The following GULP1 variants were observed in gnomAD, a reference collection of about 807,000 sequenced individuals.
The protein encoded by GULP1 is PTB domain-containing engulfment adapter protein 1.
Under a neutral mutation model 40.9 loss-of-function variants are expected in GULP1, and 19 were observed. The observed-to-expected ratio is 0.46, with a 90% CI of 0.32 to 0.68. The LOEUF (loss-of-function observed/expected upper bound fraction) is 0.68. GULP1 is among the 30% of genes least tolerant of loss of function. The probability of loss-of-function intolerance (pLI) is 0.03; values close to 1 mark genes in which losing one functional copy is unlikely to be tolerated. For synonymous variants in GULP1, 119 were observed against 117.6 expected (o/e 1.01, Z -0.08); for missense variants, 312 against 362.2 (o/e 0.86, Z 1.12).
At chr2:188,418,899 G>A (rs1006122138) in intron 2 of GULP1, among the ~76,000 whole-genome samples, 3 of 152,080 alleles carry the variant, frequency 2.0e-5, no homozygotes, top group Non-Finnish European at 4.4e-5. Context: ...TGCAGGGCCT[G>A]GCAACCATAG....
chr2:188,463,465 A>C (rs1035782068), intron 2 of GULP1, among the ~76,000 whole-genome samples: 4 of 151,494 alleles, frequency 2.6e-5, no homozygotes, highest in Non-Finnish European at 5.9e-5. Flanking sequence ...GACCTTTGGG[A>C]GTTTGATTAA....
intron 1 of GULP1, among the ~76,000 whole-genome samples, chr2:188,368,587 A>G (rs2047118045): frequency 1.3e-5 from 2 of 152,014 alleles, no homozygotes; most frequent in South Asian, 4.1e-4. Flanking sequence ...TCTAAAATAA[A>G]TAAATAAATA....
chr2:188,438,681 G>A (rs2057654646), intron 2 of GULP1, among the ~76,000 whole-genome samples: 2 of 151,182 alleles, frequency 1.3e-5, no homozygotes, highest in Non-Finnish European at 2.9e-5. Flanking sequence ...CAAAAAAAAT[G>A]TAAAGAAGGC....
chr2:188,587,297 A>AGAAACTATCTCATT (rs769331197), intron 10 of GULP1, among the ~76,000 whole-genome samples: 2 of 152,104 alleles, frequency 1.3e-5, no homozygotes, highest in Non-Finnish European at 2.9e-5. Context: ...GCATTTTTAA[A>AGAAACTATCTCATT]GAAACTATCT....
chr2:188,567,249 A>G lies in GULP1; in HGVS notation c.400-1990A>G, dbSNP rs533860992. Among the ~76,000 whole-genome samples the G allele has an allele frequency of 1.4e-4, 22 of 152,346 alleles. 1 individual carries two copies. In the South Asian group the frequency reaches 4.6e-3, roughly 32 times the overall value. Reference sequence around the variant, plus strand: ...GATTCCTCAAGGATCTAGAACTAGAACTACCATTTGACCCAGAGATCTCAT... The same window carrying G: ...GATTCCTCAAGGATCTAGAACTAGAGCTACCATTTGACCCAGAGATCTCAT... On this transcript the variant is annotated intron_variant, in intron 7 of 11. Coordinates refer to ENST00000409830, the MANE Select transcript of GULP1 (RefSeq NM_016315.4).
At chr2:188,572,426 CA>C (rs1414916413) in intron 9 of GULP1, among the ~76,000 whole-genome samples, 2 of 152,122 alleles carry the variant, frequency 1.3e-5, no homozygotes, top group African/African-American at 4.8e-5. Flanking sequence ...TAAAATGCTT[CA>C]AAAACTACAA....
At chr2:188,561,851 G>C (rs554228428) in intron 7 of GULP1, among the ~76,000 whole-genome samples, 51 of 152,256 alleles carry the variant, frequency 3.3e-4, no homozygotes, top group African/African-American at 1.2e-3. Flanking sequence ...TCCTTGCCTA[G>C]GTTGTACCTC....
At chr2:188,360,708 A>T (rs1000921995) in intron 1 of GULP1, among the ~76,000 whole-genome samples, 2 of 152,118 alleles carry the variant, frequency 1.3e-5, no homozygotes, top group African/African-American at 2.4e-5. Context: ...GATTAAATGG[A>T]AACCATTTGG....
intron 2 of GULP1, among the ~76,000 whole-genome samples, chr2:188,406,729 G>A (rs4564741): frequency 0.49 from 73,991 of 151,688 alleles, 18,503 homozygotes; most frequent in East Asian, 0.69. Flanking sequence ...TTATGGGACA[G>A]CATCAGAAGA....
At chr2:188,558,278 C>T (rs1695332898) in intron 7 of GULP1, among the ~76,000 whole-genome samples, 1 of 152,120 alleles carries the variant, frequency 6.6e-6, no homozygotes, top group African/African-American at 2.4e-5. Context: ...GGGCAGTTTC[C>T]CCCATACTAT....
At chr2:188,309,632 G>A (rs1220123709) in intron 1 of GULP1, among the ~76,000 whole-genome samples, 2 of 152,164 alleles carry the variant, frequency 1.3e-5, no homozygotes, top group African/African-American at 2.4e-5. Context: ...CAGGGCTATT[G>A]TTGAAGAGTA....
At chr2:188,544,256 C>T (rs1691306105) in intron 7 of GULP1, among the ~76,000 whole-genome samples, 1 of 152,014 alleles carries the variant, frequency 6.6e-6, no homozygotes, top group Admixed American at 6.6e-5. Context: ...TAGTTACCAA[C>T]ACATAGATGT....
At chr2:188,434,941 GTTCA>G (rs1559237248) in intron 2 of GULP1, among the ~76,000 whole-genome samples, 1 of 151,590 alleles carries the variant, frequency 6.6e-6, no homozygotes, top group Non-Finnish European at 1.5e-5. Context: ...ACAATGTTTT[GTTCA>G]TTTTTAATTT....
intron 2 of GULP1, chr2:188,384,173 A>C (rs956300196): frequency 2.0e-5 from 3 of 152,182 alleles, no homozygotes; most frequent in Non-Finnish European, 4.4e-5. Context: ...TTTTCATGCA[A>C]CTGATAAAGA....
At chr2:188,547,916 T>C (rs564399792) in intron 7 of GULP1, among the ~76,000 whole-genome samples, 1 of 152,104 alleles carries the variant, frequency 6.6e-6, no homozygotes, top group East Asian at 1.9e-4. Flanking sequence ...AAAATAACTT[T>C]AAAAGAGAAT....
At chr2:188,487,087 G>T (rs1464319691) in intron 4 of GULP1, among the ~76,000 whole-genome samples, 1 of 151,900 alleles carries the variant, frequency 6.6e-6, no homozygotes, top group South Asian at 2.1e-4. Context: ...AAAAAATTCT[G>T]TTCCCTTCAA....
intron 4 of GULP1, among the ~76,000 whole-genome samples, chr2:188,502,140 T>C (rs2063493027): frequency 6.6e-6 from 1 of 151,710 alleles, no homozygotes; most frequent in Admixed American, 6.6e-5. Flanking sequence ...TAAGAGGCAA[T>C]TGAGGAGGAA....
intron 2 of GULP1, among the ~76,000 whole-genome samples, chr2:188,416,763 T>C (rs535811407): frequency 3.3e-5 from 5 of 152,286 alleles, no homozygotes; most frequent in Admixed American, 2.0e-4. Flanking sequence ...GATAGTGAGC[T>C]CTTGAACATA....
intron 2 of GULP1, among the ~76,000 whole-genome samples, chr2:188,406,904 A>C (rs1218309876): frequency 6.6e-6 from 1 of 152,180 alleles, no homozygotes; most frequent in Non-Finnish European, 1.5e-5. Context: ...AGGTACAGAA[A>C]AATGAAAAAT....
Sources: gnomAD v4.1 joint callset for allele counts (sites outside exome capture counted in the v4.1 genomes callset) on GRCh38, gnomAD v4.1.1 for gene constraint, MANE v1.5 for transcripts, NCBI Gene and HGNC (gene_info 2026-07-23, HGNC 2026-07-21) for gene names.